TENM2: variants seen among roughly 807,000 people sequenced by gnomAD.
TENM2 encodes the protein teneurin-2.
Under a neutral mutation model 245.2 loss-of-function variants are expected in TENM2, and 52 were observed. The observed-to-expected ratio is 0.21, with a 90% CI of 0.17 to 0.27. The LOEUF (loss-of-function observed/expected upper bound fraction) is 0.27, where lower values mean the gene tolerates loss of function less well. TENM2 is among the 10% of genes least tolerant of loss of function. The probability of loss-of-function intolerance (pLI) is 1.00; values close to 1 mark genes in which losing one functional copy is unlikely to be tolerated. For missense variants in TENM2, 3,046 were observed against 3,666.8 expected, an observed-to-expected ratio of 0.83 and a Z score of 4.37; for synonymous variants, 1,363 against 1,438.9, an observed-to-expected ratio of 0.95 and a Z score of 1.19.
chr5:167,917,754 C>G (rs569281856), intron 3 of TENM2, among the ~76,000 whole-genome samples: 22 of 152,278 alleles, frequency 1.4e-4, no homozygotes, highest in Admixed American at 1.1e-3. Flanking sequence ...TGAAAGGGGT[C>G]TCACACTTGT....
the TENM2 span, among the ~76,000 whole-genome samples, chr5:166,999,443 G>C: frequency 3.3e-5 from 5 of 152,182 alleles, no homozygotes; most frequent in Non-Finnish European, 5.9e-5. Context: ...TTGTCTGGTG[G>C]CAGATCAAGC....
At chr5:167,288,600 A>G (rs2127715872) in intron 1 of TENM2, among the ~76,000 whole-genome samples, 1 of 152,216 alleles carries the variant, frequency 6.6e-6, no homozygotes, top group East Asian at 1.9e-4. Flanking sequence ...AATGGCGAAC[A>G]TTTGTTGAGT....
rs76933912 is a variant in TENM2 at position 168,117,746 on chromosome 5, C to T, written c.1814-546C>T. ...GCTCAGCTGTGTCTCATCCCCACTTCCTTTTTAATAGGCATAAACTTATTA... is the reference window on the plus strand; with the variant it reads ...GCTCAGCTGTGTCTCATCCCCACTTTCTTTTTAATAGGCATAAACTTATTA... On this transcript the variant is annotated intron_variant, in intron 9 of 28. Transcript: ENST00000518659. Among the ~76,000 whole-genome samples the T allele has an allele frequency of 4.5e-3, 688 of 152,278 alleles. 5 individuals carry two copies. The highest frequency in any genetic ancestry group is 0.016 in the African/African-American group (652 of 41,558).
chr5:167,175,753 G>A, the TENM2 span, among the ~76,000 whole-genome samples: 1 of 152,124 alleles, frequency 6.6e-6, no homozygotes, highest in African/African-American at 2.4e-5. Flanking sequence ...TGTTGCCCAG[G>A]CTGGAATGCA....
intron 2 of TENM2, among the ~76,000 whole-genome samples, chr5:167,704,679 T>C (rs1176909912): frequency 6.6e-6 from 1 of 152,058 alleles, no homozygotes; most frequent in Non-Finnish European, 1.5e-5. Flanking sequence ...CAGAGTGACT[T>C]TGAGTTGCAG....
chr5:166,982,727 A>G, the TENM2 span, among the ~76,000 whole-genome samples: 3 of 152,048 alleles, frequency 2.0e-5, no homozygotes, highest in Non-Finnish European at 4.4e-5. Context: ...TTCTGCACTC[A>G]TAGTATATAC....
Position 168,244,019 on chromosome 5 carries a change from A to C in TENM2, c.5521-401A>C. ...CATGGCACAATTTCAGCTCACTGCC[A>C]TCTCCACCTCCCAGGTTCAAGTGAT... On this transcript the variant is annotated intron_variant, in intron 25 of 28. Coordinates refer to ENST00000518659, the Ensembl canonical transcript of TENM2. This position sits in a 1 kb window ranked among gnomAD's most constrained non-coding sequence, Gnocchi z 4.9. 7.0e-6 allele frequency among the ~76,000 whole-genome samples: 1 copy of C among 143,164 alleles called. No homozygotes were observed. The highest frequency in any genetic ancestry group is 1.5e-5 in the Non-Finnish European group (1 of 66,862). The allele number at this position is 143,164 out of a possible 152,430, so 93.9% of individuals were successfully genotyped here.
intron 2 of TENM2, among the ~76,000 whole-genome samples, chr5:167,685,260 G>A (rs746621275): frequency 6.6e-6 from 1 of 152,162 alleles, no homozygotes; most frequent in Non-Finnish European, 1.5e-5. Context: ...CTTCCTTTTA[G>A]TTATCTCTTC....
the TENM2 span, among the ~76,000 whole-genome samples, chr5:167,162,088 C>T: frequency 6.7e-6 from 1 of 149,538 alleles, no homozygotes. Flanking sequence ...ATCACTTGAA[C>T]CCAGGAGGCA....
chr5:167,677,095 C>T (rs1232590628), intron 2 of TENM2, among the ~76,000 whole-genome samples: 1 of 152,118 alleles, frequency 6.6e-6, no homozygotes, highest in African/African-American at 2.4e-5. Context: ...AAAGGAATGT[C>T]ATCAAGTCTC....
intron 1 of TENM2, among the ~76,000 whole-genome samples, chr5:167,342,551 C>T (rs1452141749): frequency 5.4e-5 from 6 of 111,362 alleles, no homozygotes; most frequent in Admixed American, 1.2e-4. Context: ...GACGGAGTCT[C>T]GCTCTGTCGC....
chr5:167,197,483 GGCTTCTT>G, the TENM2 span, among the ~76,000 whole-genome samples: 4 of 152,072 alleles, frequency 2.6e-5, no homozygotes, highest in Admixed American at 1.3e-4. Flanking sequence ...AGAGCCAAGA[GGCTTCTT>G]TATACTTTTT....
chr5:168,086,877 TCTC>T (rs1792506636), intron 7 of TENM2, among the ~76,000 whole-genome samples: 1 of 152,160 alleles, frequency 6.6e-6, no homozygotes, highest in Non-Finnish European at 1.5e-5. Flanking sequence ...TGGAAAATGC[TCTC>T]CTTCTAGTGT....
intron 2 of TENM2, among the ~76,000 whole-genome samples, chr5:167,736,724 G>C (rs1760827480): frequency 6.6e-6 from 1 of 151,444 alleles, no homozygotes; most frequent in Non-Finnish European, 1.5e-5. Context: ...GGTCTGAAGA[G>C]AGGAATTTGG....
the TENM2 span, among the ~76,000 whole-genome samples, chr5:167,186,287 A>G: frequency 6.6e-6 from 1 of 152,242 alleles, no homozygotes; most frequent in Non-Finnish European, 1.5e-5. Flanking sequence ...AAATTAATAT[A>G]GACGTATTGC....
At chr5:167,862,913 C>G (rs1233397559) in intron 2 of TENM2, among the ~76,000 whole-genome samples, 1 of 152,082 alleles carries the variant, frequency 6.6e-6, no homozygotes, top group African/African-American at 2.4e-5. Context: ...TGCAGACTGT[C>G]TAGTCATCTT....
intron 3 of TENM2, among the ~76,000 whole-genome samples, chr5:167,885,841 G>A (rs994563201): frequency 7.2e-5 from 11 of 152,050 alleles, no homozygotes; most frequent in Admixed American, 5.2e-4. Context: ...GTGCCACCAC[G>A]CCCAGCTAAT....
At chr5:167,587,003 A>G (rs1488577844) in intron 2 of TENM2, among the ~76,000 whole-genome samples, 2 of 152,192 alleles carry the variant, frequency 1.3e-5, no homozygotes. Flanking sequence ...ATTACAGTGT[A>G]AAATATGGAT....
the TENM2 span, among the ~76,000 whole-genome samples, chr5:167,062,855 G>A: frequency 6.6e-6 from 1 of 152,154 alleles, no homozygotes; most frequent in African/African-American, 2.4e-5. Context: ...TCCAAAGGTC[G>A]AAGGAGCTAG....
Sources: gnomAD v4.1 joint callset for allele counts (sites outside exome capture counted in the v4.1 genomes callset) on GRCh38, gnomAD v4.1.1 for gene constraint, Gnocchi (gnomAD v3.1) non-coding constraint, MANE v1.5 for transcripts, NCBI Gene and HGNC (gene_info 2026-07-23, HGNC 2026-07-21) for gene names.